Variants in PHACTR2 observed in about 807,000 individuals in gnomAD.
The protein encoded by PHACTR2 is phosphatase and actin regulator 2.
In PHACTR2, 30 loss-of-function variants were observed where a neutral mutation model predicts 76.0. The observed-to-expected ratio is 0.39, with a 90% CI of 0.30 to 0.54. The LOEUF is 0.54. Ranked by LOEUF, PHACTR2 falls within the 20% of genes least tolerant of loss-of-function variation. PHACTR2 has a pLI of 0.61. For synonymous variants in PHACTR2, 292 were observed against 292.5 expected (o/e 1.00, Z 0.02); for missense variants, 696 against 781.1 (o/e 0.89, Z 1.30).
intron 11 of PHACTR2, among the ~76,000 whole-genome samples, chr6:143,792,537 T>G (rs1002768165): frequency 2.0e-5 from 3 of 152,146 alleles, no homozygotes; most frequent in African/African-American, 7.2e-5. Flanking sequence ...ACAGCAGCTA[T>G]TTTATATCTT....
In PHACTR2 at chr6:143,616,646, C is replaced by G. The variant is rs1776062721; in HGVS notation, c.13+8324C>G. Among the ~76,000 whole-genome samples, 1 of 152,134 alleles carries G rather than the reference C, an allele frequency of 6.6e-6. No individual in the cohort carries two copies. The highest frequency in any genetic ancestry group is 2.1e-4 in the South Asian group (1 of 4,830). The stretch of plus-strand genomic sequence containing the variant: ...ATGAAACGGAGCTTCTGTCAGCATG[C>G]TCCTTCCTTCTAGTAGAGAAAGCAA... On this transcript the variant is annotated intron_variant, in intron 1 of 11. Transcript: ENST00000305766. The surrounding 1 kb of genome is among the most constrained non-coding windows in gnomAD (Gnocchi z 4.9).
At position 143,776,341 on chromosome 6, in the gene PHACTR2, T is replaced by G. The variant is rs1775272046; in HGVS notation, c.1590-987T>G. On this transcript the variant is annotated intron_variant, in intron 8 of 12. Coordinates refer to ENST00000440869, the MANE Select transcript of PHACTR2 (RefSeq NM_001100164.2). This position sits in a 1 kb window ranked among gnomAD's most constrained non-coding sequence, Gnocchi z 5.3. ...TGTATACCTAGAAAGCTCTAAAAAC[T>G]GACCCAAAATTGCTATATATAATGA... Among the ~76,000 whole-genome samples, 4 of 152,202 alleles carry G rather than the reference T, an allele frequency of 2.6e-5. No individual in the cohort carries two copies. The South Asian group carries it at 8.3e-4, about 31-fold the overall frequency.
rs1776207675 is a variant in PHACTR2, at chr6:143,623,993, G to T, written c.13+15671G>T. 1.3e-5 allele frequency among the ~76,000 whole-genome samples: 2 copies of T among 152,222 alleles called. No homozygotes were observed. Among genetic ancestry groups the T allele is most frequent in the South Asian group, 4.1e-4 (2 of 4,826 alleles). On this transcript the variant is annotated intron_variant, in intron 1 of 11. Coordinates refer to the PHACTR2 transcript ENST00000305766. The surrounding 1 kb of genome is among the most constrained non-coding windows in gnomAD (Gnocchi z 5.9). ...AGTAACTTGGGGTGAGTGATATGAAGACCCTGCCTCCCCACCCACTCCCCA... is the reference window on the plus strand; with the variant it reads ...AGTAACTTGGGGTGAGTGATATGAATACCCTGCCTCCCCACCCACTCCCCA...
intron 2 of PHACTR2, among the ~76,000 whole-genome samples, chr6:143,745,836 G>A (rs1399630094): frequency 1.3e-5 from 2 of 152,254 alleles, no homozygotes; most frequent in Non-Finnish European, 2.9e-5. Context: ...GTTTATAGGA[G>A]GTAGAGCAAA....
intron 1 of PHACTR2, among the ~76,000 whole-genome samples, chr6:143,564,139 AGTCT>A (rs1775323228): frequency 7.2e-6 from 1 of 138,492 alleles, no homozygotes; most frequent in African/African-American, 2.7e-5. Flanking sequence ...TTAAGTTTTT[AGTCT>A]GTCTTAGTTA....
rs1491449081 is a variant in PHACTR2 at position 143,830,298 on chromosome 6, T to TC, written c.*6610dup. On this transcript the variant is annotated 3_prime_UTR_variant, in exon 13 of 13. Coordinates refer to ENST00000440869, the MANE Select transcript of PHACTR2 (RefSeq NM_001100164.2). The stretch of plus-strand genomic sequence containing the variant: ...CAAGTTTCTTTTTTTTTTTTTTTTT[T>TC]CTGTGTAACAGGGATTTTTAAATAA... 1 of 150,164 alleles carries TC rather than the reference T, an allele frequency of 6.7e-6. No individual in the cohort carries two copies. The highest frequency in any genetic ancestry group is 2.5e-5 in the African/African-American group (1 of 40,352). The allele number at this position is 150,164 out of a possible 1,614,324, so 9.3% of individuals were successfully genotyped here.
rs150077435 is a variant in PHACTR2, at chr6:143,669,688, T to C, written c.14-42328T>C. 4.4e-3 allele frequency among the ~76,000 whole-genome samples: 661 copies of C among 150,476 alleles called. 4 individuals carry two copies. The highest frequency in any genetic ancestry group is 0.015 in the African/African-American group (621 of 41,482). On this transcript the variant is annotated intron_variant, in intron 1 of 11. Transcript: ENST00000305766. Reference sequence around the variant, plus strand: ...AAGTCTGTTTTATCAGAGACTAGGATTGCAACCCCTGCTTTTTTTTTTCTT... The same window carrying C: ...AAGTCTGTTTTATCAGAGACTAGGACTGCAACCCCTGCTTTTTTTTTTCTT...
Position 143,765,479 on chromosome 6 carries a change from G to A in PHACTR2, c.913G>A (p.Glu305Lys). 1 of 1,614,240 alleles carries A rather than the reference G, an allele frequency of 6.2e-7. No individual in the cohort carries two copies. The highest frequency in any genetic ancestry group is 8.5e-7 in the Non-Finnish European group (1 of 1,180,040). Residue 305 changes from glutamate (E) to lysine (K), a missense_variant, in exon 6 of 13, where the codon GAG becomes AAG. By Grantham distance (56) the Glu-to-Lys change is moderately conservative. Transcript: ENST00000440869. The surrounding 1 kb of genome is among the most constrained non-coding windows in gnomAD (Gnocchi z 4.1). ...TTSGTSDLKG[E>K]PAETRVESFK... Reference sequence around the variant, plus strand: ...TTCTGGCACATCCGACCTGAAAGGAGAGCCTGCAGAGACCAGAGTGGAGAG... The same window carrying A: ...TTCTGGCACATCCGACCTGAAAGGAAAGCCTGCAGAGACCAGAGTGGAGAG...
In PHACTR2 at chr6:143,617,053, C is replaced by T. The variant is rs752854619; in HGVS notation, c.13+8731C>T. ...TTTCAGGAGCCTTTGAAGGGTTTTA[C>T]GAGACTGGGAAGAATGGACTGGAAA... On this transcript the variant is annotated intron_variant, in intron 1 of 11. Coordinates refer to the PHACTR2 transcript ENST00000305766. The surrounding 1 kb of genome is among the most constrained non-coding windows in gnomAD (Gnocchi z 4.8). 3.9e-5 allele frequency among the ~76,000 whole-genome samples: 6 copies of T among 152,080 alleles called. No homozygotes were observed. The highest frequency in any genetic ancestry group is 3.9e-4 in the East Asian group (2 of 5,188).
At position 143,678,108 on chromosome 6, in the gene PHACTR2, G is replaced by T; in HGVS notation, c.-56G>T. 2 of 1,545,492 alleles carry T rather than the reference G, an allele frequency of 1.3e-6. No individual in the cohort carries two copies. Among genetic ancestry groups the T allele is most frequent in the South Asian group, 2.4e-5 (2 of 83,908 alleles). On this transcript the variant is annotated 5_prime_UTR_variant, in exon 1 of 13. An upstream start codon of the reference 5' UTR is lost. Transcript: ENST00000440869. The surrounding 1 kb of genome is among the most constrained non-coding windows in gnomAD (Gnocchi z 6.2). The stretch of plus-strand genomic sequence containing the variant: ...GAAGTCTGGCTGGGAGCGGACCCAT[G>T]ATCGAAGGACCAAAGGAGCCGCTTG...
rs1396685690 is a variant in PHACTR2 at position 143,595,265 on chromosome 6, A to T, written c.217+58058A>T. 6.6e-6 allele frequency among the ~76,000 whole-genome samples: 1 copy of T among 152,232 alleles called. No individual in the cohort carries two copies. Among genetic ancestry groups the T allele is most frequent in the Admixed American group, 6.5e-5 (1 of 15,280 alleles). On this transcript the variant is annotated intron_variant, in intron 1 of 11. Transcript: ENST00000367584. The surrounding 1 kb of genome is among the most constrained non-coding windows in gnomAD (Gnocchi z 4.2). Reference sequence around the variant, plus strand: ...TATGTCAAATGACACACTAAAGGCTAATTAGGTAAAGGGAGAAGTGTACAT... The same window carrying T: ...TATGTCAAATGACACACTAAAGGCTTATTAGGTAAAGGGAGAAGTGTACAT...
chr6:143,663,172 T>C lies in PHACTR2; in HGVS notation c.14-48844T>C, dbSNP rs79996201. On this transcript the variant is annotated intron_variant, in intron 1 of 11. Coordinates refer to the PHACTR2 transcript ENST00000305766. This position sits in a 1 kb window ranked among gnomAD's most constrained non-coding sequence, Gnocchi z 4.1. ...ATTGTGAATAGCACAGTGATGAACG[T>C]ACGAGTGCATGTGTCTTTTTGCTAT... Among the ~76,000 whole-genome samples, 4,495 of 152,322 alleles carry C rather than the reference T, an allele frequency of 0.03. 79 individuals are homozygous for C. Among genetic ancestry groups the C allele is most frequent in the South Asian group, 0.043 (206 of 4,828 alleles).
rs1486286746 is a variant in PHACTR2 at position 143,680,308 on chromosome 6, G to C, written c.46+2099G>C. Among the ~76,000 whole-genome samples, 1 of 152,098 alleles carries C rather than the reference G, an allele frequency of 6.6e-6. No individual in the cohort carries two copies. The highest frequency in any genetic ancestry group is 6.6e-5 in the Admixed American group (1 of 15,266). ...CTTTACAGATGGCGTGAAGATCCTT[G>C]TTCTGTTTGATCTTAGCCATTGACT... On this transcript the variant is annotated intron_variant, in intron 1 of 12. Transcript: ENST00000440869. The surrounding 1 kb of genome is among the most constrained non-coding windows in gnomAD (Gnocchi z 4.5).
chr6:143,746,653 G>A (rs1003180833), intron 2 of PHACTR2, among the ~76,000 whole-genome samples: 5 of 152,166 alleles, frequency 3.3e-5, no homozygotes, highest in African/African-American at 1.2e-4. Context: ...TCCGTAGGAG[G>A]CTGCAGTGGT....
intron 12 of PHACTR2, among the ~76,000 whole-genome samples, chr6:143,808,660 G>A (rs1279960629): frequency 6.6e-6 from 1 of 151,868 alleles, no homozygotes; most frequent in African/African-American, 2.4e-5. Flanking sequence ...TATCTGAAGG[G>A]GTCCTGGAAT....
At position 143,639,704 on chromosome 6, in the gene PHACTR2, G is replaced by C. The variant is rs1776531283; in HGVS notation, c.13+31382G>C. Among the ~76,000 whole-genome samples, 1 of 152,142 alleles carries C rather than the reference G, an allele frequency of 6.6e-6. No homozygotes were observed. The highest frequency in any genetic ancestry group is 2.4e-5 in the African/African-American group (1 of 41,430). ...GACAGTTGACAAGCTTGATGTAATTGATCAAGAACTCTGCACACAACAAGT... is the reference window on the plus strand; with the variant it reads ...GACAGTTGACAAGCTTGATGTAATTCATCAAGAACTCTGCACACAACAAGT... On this transcript the variant is annotated intron_variant, in intron 1 of 11. Transcript: ENST00000305766. The surrounding 1 kb of genome is among the most constrained non-coding windows in gnomAD (Gnocchi z 5.0).
intron 1 of PHACTR2, among the ~76,000 whole-genome samples, chr6:143,538,051 A>G (rs986719837): frequency 6.6e-6 from 1 of 152,180 alleles, no homozygotes; most frequent in South Asian, 2.1e-4. Flanking sequence ...CAGAGGTTGC[A>G]CCACTGCACT....
chr6:143,720,278 A>G (rs1778409862), intron 2 of PHACTR2, among the ~76,000 whole-genome samples: 1 of 152,178 alleles, frequency 6.6e-6, no homozygotes, highest in Admixed American at 6.5e-5. Flanking sequence ...CTTGCATTCT[A>G]GTAGGAGAAG....
rs143638857 is a variant in PHACTR2, at chr6:143,624,106, T to TTTTG, written c.13+15800_13+15803dup. Among the ~76,000 whole-genome samples the TTTTG allele has an allele frequency of 1.3e-5, 2 of 151,962 alleles. No individual in the cohort carries two copies. The highest frequency in any genetic ancestry group is 6.6e-5 in the Admixed American group (1 of 15,254). On this transcript the variant is annotated intron_variant, in intron 1 of 11. Transcript: ENST00000305766. This position sits in a 1 kb window ranked among gnomAD's most constrained non-coding sequence, Gnocchi z 4.6. ...TCTTGTTAATTTTTTTTGTTGTTTT[T>TTTTG]TTTGTTTGTTTGTTTGTTTTTAGAC...
Sources: gnomAD v4.1 joint callset for allele counts (sites outside exome capture counted in the v4.1 genomes callset) on GRCh38, gnomAD v4.1.1 for gene constraint, Gnocchi (gnomAD v3.1) non-coding constraint, MANE v1.5 for transcripts, NCBI Gene and HGNC (gene_info 2026-07-23, HGNC 2026-07-21) for gene names.